Variants in ASTN2 observed in about 807,000 individuals in gnomAD.
The protein encoded by ASTN2 is astrotactin-2.
A neutral mutation model predicts 139.8 loss-of-function variants in ASTN2; 54 were observed. That is an observed-to-expected ratio of 0.39 (90% CI 0.31 to 0.48). The LOEUF (loss-of-function observed/expected upper bound fraction) is 0.48, where lower values mean the gene tolerates loss of function less well. Ranked by LOEUF, ASTN2 falls within the 20% of genes least tolerant of loss-of-function variation. ASTN2 has a pLI of 0.95. For missense variants in ASTN2, 1,565 were observed against 1,725.1 expected, an observed-to-expected ratio of 0.91 and a Z score of 1.64; for synonymous variants, 756 against 719.5, an observed-to-expected ratio of 1.05 and a Z score of -0.81.
intron 7 of ASTN2, among the ~76,000 whole-genome samples, chr9:117,000,432 T>C (rs928518063): frequency 1.3e-5 from 2 of 152,214 alleles, no homozygotes; most frequent in South Asian, 4.1e-4. Flanking sequence ...TTGCTTTATG[T>C]GTTGTAGACC....
At chr9:116,992,043 G>A (rs918716824) in intron 7 of ASTN2, among the ~76,000 whole-genome samples, 1 of 152,202 alleles carries the variant, frequency 6.6e-6, no homozygotes, top group African/African-American at 2.4e-5. Flanking sequence ...GAAAAGCAAT[G>A]CCAGAAACCA....
intron 13 of ASTN2, among the ~76,000 whole-genome samples, chr9:116,741,699 G>T (rs553928633): frequency 6.6e-6 from 1 of 152,288 alleles, no homozygotes; most frequent in African/African-American, 2.4e-5. Flanking sequence ...AAGCTGGGAG[G>T]TGCTGGGCTA....
rs535477126 is a variant in ASTN2, at chr9:116,677,305, C to G, written c.2807-25512G>C. Among the ~76,000 whole-genome samples the G allele has an allele frequency of 6.6e-4, 101 of 151,898 alleles. 3 individuals carry two copies. The South Asian group carries it at 0.02, about 31-fold the overall frequency. On this transcript the variant is annotated intron_variant, in intron 16 of 22. Coordinates refer to ENST00000313400, the MANE Select transcript of ASTN2 (RefSeq NM_001365068.1). The stretch of plus-strand genomic sequence containing the variant: ...AAAGACAGAGGAGGCACCATAGACC[C>G]TGTTTTGGAAAAAAAAACCTCTGTT...
intron 19 of ASTN2, among the ~76,000 whole-genome samples, chr9:116,534,540 C>A (rs1425229137): frequency 3.9e-5 from 6 of 152,184 alleles, no homozygotes; most frequent in Non-Finnish European, 8.8e-5. Context: ...AAATGTGTCC[C>A]AGAGATTCTT....
intron 20 of ASTN2, among the ~76,000 whole-genome samples, chr9:116,462,636 G>A (rs917607152): frequency 2.0e-5 from 3 of 152,224 alleles, no homozygotes; most frequent in South Asian, 4.2e-4. Flanking sequence ...TCTTCAAGCC[G>A]ATAAGCTCAA....
intron 14 of ASTN2, 67 bp from the exon 15 acceptor site, chr9:116,729,163 C>G: frequency 8.0e-7 from 1 of 1,249,388 alleles, no homozygotes; most frequent in South Asian, 1.4e-5. Flanking sequence ...ATTGTTCACC[C>G]TGCAGCTCTT....
At chr9:117,239,898 G>A (rs1425390867) in intron 2 of ASTN2, among the ~76,000 whole-genome samples, 1 of 152,196 alleles carries the variant, frequency 6.6e-6, no homozygotes, top group Non-Finnish European at 1.5e-5. Context: ...GCATTGTGTG[G>A]TTAGTATGCT....
intron 2 of ASTN2, among the ~76,000 whole-genome samples, chr9:117,224,911 C>T (rs142509683): frequency 9.9e-5 from 15 of 152,220 alleles, no homozygotes; most frequent in Non-Finnish European, 1.8e-4. Context: ...CAGAGCATGC[C>T]GCAGATTGCA....
At chr9:116,602,569 G>C (rs4837658) in intron 19 of ASTN2, among the ~76,000 whole-genome samples, 66,884 of 151,968 alleles carry the variant, frequency 0.44, 15,536 homozygotes, top group East Asian at 0.7. Context: ...AAATTGTTTG[G>C]AGAAAAATTA....
intron 13 of ASTN2, among the ~76,000 whole-genome samples, chr9:116,783,891 T>C (rs1830290641): frequency 6.6e-6 from 1 of 152,184 alleles, no homozygotes; most frequent in Non-Finnish European, 1.5e-5. Flanking sequence ...CTACCATTTG[T>C]TGAGAACTTA....
intron 1 of ASTN2, among the ~76,000 whole-genome samples, chr9:117,306,112 G>A (rs762272700): frequency 1.5e-4 from 23 of 152,148 alleles, no homozygotes; most frequent in Admixed American, 3.3e-4. Context: ...TCAGGGTGTC[G>A]GACTAGAAAT....
Position 116,824,002 on chromosome 9 carries a change from A to G in ASTN2, c.2041-3219T>C, listed in dbSNP as rs568522664. 3.3e-5 allele frequency among the ~76,000 whole-genome samples: 5 copies of G among 152,334 alleles called. No homozygotes were observed. In the East Asian group the frequency reaches 5.8e-4, roughly 18 times the overall value. On this transcript the variant is annotated intron_variant, in intron 11 of 22. Transcript: ENST00000313400. ...TGTAAATGTTATAATAGTATGGACC[A>G]TGTGGCTTGTCCTAAGCCATCTGGC...
At chr9:116,767,891 T>C (rs1030944462) in intron 13 of ASTN2, among the ~76,000 whole-genome samples, 4 of 152,160 alleles carry the variant, frequency 2.6e-5, no homozygotes, top group African/African-American at 9.7e-5. Flanking sequence ...GGCATATCTA[T>C]GGTAAAAAAG....
intron 20 of ASTN2, among the ~76,000 whole-genome samples, chr9:116,458,226 G>A (rs1485204033): frequency 6.6e-6 from 1 of 151,666 alleles, no homozygotes; most frequent in East Asian, 1.9e-4. Flanking sequence ...GGGCAGTGGA[G>A]AAGAAGGGGA....
chr9:116,724,419 G>T (rs1277810414), intron 16 of ASTN2, among the ~76,000 whole-genome samples: 1 of 152,162 alleles, frequency 6.6e-6, no homozygotes, highest in Middle Eastern at 3.2e-3. Context: ...CACGACTGGG[G>T]ATGCAAAGCC....
intron 1 of ASTN2, among the ~76,000 whole-genome samples, chr9:117,364,090 C>T (rs1380504857): frequency 6.6e-6 from 1 of 152,142 alleles, no homozygotes; most frequent in Non-Finnish European, 1.5e-5. Flanking sequence ...CCTCTACTAG[C>T]CTTTAAGCCA....
intron 1 of ASTN2, among the ~76,000 whole-genome samples, chr9:117,384,078 C>A (rs751155788): frequency 6.6e-6 from 1 of 152,276 alleles, no homozygotes; most frequent in South Asian, 2.1e-4. Flanking sequence ...TGCAGTGCTA[C>A]CTGGGAATAT....
chr9:116,995,021 C>G (rs1368453772), intron 7 of ASTN2, among the ~76,000 whole-genome samples: 1 of 152,172 alleles, frequency 6.6e-6, no homozygotes, highest in African/African-American at 2.4e-5. Context: ...TAGGAAGGGT[C>G]AGCAAAGTGT....
At chr9:117,182,152 A>G (rs969013942) in intron 3 of ASTN2, among the ~76,000 whole-genome samples, 1 of 151,988 alleles carries the variant, frequency 6.6e-6, no homozygotes. Flanking sequence ...TCCCCTGCCC[A>G]CACTTCCTGA....
Sources: gnomAD v4.1 joint callset for allele counts (sites outside exome capture counted in the v4.1 genomes callset) on GRCh38, gnomAD v4.1.1 for gene constraint, MANE v1.5 for transcripts, NCBI Gene and HGNC (gene_info 2026-07-23, HGNC 2026-07-21) for gene names.